TAF1B: variants seen among roughly 807,000 people sequenced by gnomAD.
TAF1B encodes TATA box-binding protein-associated factor RNA polymerase I subunit B.
A neutral mutation model predicts 83.9 loss-of-function variants in TAF1B; 61 were observed. The ratio of observed to expected loss-of-function variants is 0.73; its 90% CI spans 0.59 to 0.90. The LOEUF is 0.90. Ranked by LOEUF, TAF1B falls within the 40% of genes least tolerant of loss-of-function variation. TAF1B has a pLI of 0.00. For missense variants in TAF1B, 625 were observed against 677.0 expected (o/e 0.92, Z 0.85); for synonymous variants, 221 against 224.6 (o/e 0.98, Z 0.14).
At chr2:9,855,126 C>T (rs962341025) in intron 5 of TAF1B, among the ~76,000 whole-genome samples, 2 of 152,170 alleles carry the variant, frequency 1.3e-5, no homozygotes, top group African/African-American at 2.4e-5. Context: ...TCCTGAGTAG[C>T]TGGGATTACA....
chr2:9,930,846 G>A (rs892471290), intron 14 of TAF1B, among the ~76,000 whole-genome samples: 1 of 152,178 alleles, frequency 6.6e-6, no homozygotes, highest in Middle Eastern at 3.2e-3. Context: ...ATGAATCTGA[G>A]TGCTCCTGTA....
At chr2:9,868,753 G>A (rs1445119566) in intron 6 of TAF1B, 4 of 498,452 alleles carry the variant, frequency 8.0e-6, no homozygotes, top group Non-Finnish European at 1.6e-5. Flanking sequence ...AAAAGTTGTA[G>A]CAGAAAAATG....
At chr2:9,895,811 C>CT (rs1665000130) in intron 8 of TAF1B, among the ~76,000 whole-genome samples, 1 of 106,304 alleles carries the variant, frequency 9.4e-6, no homozygotes, top group Non-Finnish European at 2.2e-5. Flanking sequence ...AGGCACTGCA[C>CT]TCTTTTTTTT....
At position 9,864,949 on chromosome 2, in the gene TAF1B, A is replaced by G. The variant is rs1448807526; in HGVS notation, c.400-3327A>G. ...TTGATGGGACACATCTCAAAATAAT[A>G]AGAGCTATCTATGACAAGCCCACAG... On this transcript the variant is annotated intron_variant, in intron 5 of 14. Transcript: ENST00000263663. Among the ~76,000 whole-genome samples, 4 of 152,240 alleles carry G rather than the reference A, an allele frequency of 2.6e-5. No individual in the cohort carries two copies. In the East Asian group the frequency reaches 7.7e-4, roughly 29 times the overall value.
At chr2:9,924,314 C>G (rs1299399293) in intron 14 of TAF1B, among the ~76,000 whole-genome samples, 1 of 151,922 alleles carries the variant, frequency 6.6e-6, no homozygotes, top group Non-Finnish European at 1.5e-5. Context: ...CTGACTCTGC[C>G]CTTAGGCTGA....
At chr2:9,930,142 G>T (rs1666168125) in intron 14 of TAF1B, among the ~76,000 whole-genome samples, 1 of 103,682 alleles carries the variant, frequency 9.6e-6, no homozygotes, top group South Asian at 3.0e-4. Flanking sequence ...CGGATTCATT[G>T]ATTTTTTTAA....
At chr2:9,929,271 A>G (rs9751830) in intron 14 of TAF1B, among the ~76,000 whole-genome samples, 82,217 of 151,738 alleles carry the variant, frequency 0.54, 22,497 homozygotes, top group African/African-American at 0.6. Context: ...CCATTCTCCT[A>G]CCTCAGCCTC....
chr2:9,885,374 G>A (rs1490335762), intron 8 of TAF1B, among the ~76,000 whole-genome samples: 2 of 152,204 alleles, frequency 1.3e-5, no homozygotes, highest in Non-Finnish European at 2.9e-5. Flanking sequence ...GGTGACACTG[G>A]TACAGAAAGA....
intron 6 of TAF1B, 90 bp downstream of exon 6, chr2:9,868,519 G>A (rs1664067626): frequency 6.6e-7 from 1 of 1,510,328 alleles, no homozygotes; most frequent in East Asian, 2.4e-5. Flanking sequence ...TCCAAGGAAA[G>A]GGAACTTGGT....
intron 5 of TAF1B, among the ~76,000 whole-genome samples, chr2:9,855,825 G>C (rs1272953802): frequency 6.6e-6 from 1 of 152,170 alleles, no homozygotes; most frequent in Non-Finnish European, 1.5e-5. Flanking sequence ...TTATAATAAA[G>C]GGTTGAATAT....
At chr2:9,897,013 T>G (rs1263000387) in intron 8 of TAF1B, among the ~76,000 whole-genome samples, 2 of 152,230 alleles carry the variant, frequency 1.3e-5, no homozygotes, top group Non-Finnish European at 2.9e-5. Flanking sequence ...CCTCTTCTCC[T>G]TTTTCTGCCT....
chr2:9,868,160 C>G, intron 5 of TAF1B, 116 bp from the exon 6 acceptor site: 2 of 1,036,890 alleles, frequency 1.9e-6, no homozygotes. Context: ...CAGGCAGTTG[C>G]AGTTTTCTAG....
At chr2:9,927,719 T>G (rs1435851094) in intron 14 of TAF1B, among the ~76,000 whole-genome samples, 3 of 152,062 alleles carry the variant, frequency 2.0e-5, no homozygotes, top group Non-Finnish European at 4.4e-5. Flanking sequence ...GATGGGGTTG[T>G]TTTTTTCTTG....
intron 8 of TAF1B, among the ~76,000 whole-genome samples, chr2:9,894,565 A>G (rs550030039): frequency 1.3e-5 from 2 of 152,276 alleles, no homozygotes; most frequent in African/African-American, 4.8e-5. Context: ...AGGCTAGAAA[A>G]TGTATCTGAG....
In TAF1B at chr2:9,910,886, T is replaced by C; in HGVS notation, c.1106T>C (p.Leu369Pro). Residue 369 changes from leucine to proline, a missense_variant, in exon 10 of 15, where the codon CTC (leucine) becomes CCC (proline). Leu to Pro is a moderately conservative substitution (Grantham distance 98). Coordinates refer to ENST00000263663, the MANE Select transcript of TAF1B (RefSeq NM_005680.3). ...ATCATTGTGGTGGTATTGAAACTGCTCTTTCTATTGGATGACAGTTTCGAG... is the reference window on the plus strand; with the variant it reads ...ATCATTGTGGTGGTATTGAAACTGCCCTTTCTATTGGATGACAGTTTCGAG... ...VAIIVVVLKL[L>P]FLLDDSFEWS... 1 of 1,611,592 alleles carries C rather than the reference T, an allele frequency of 6.2e-7. No homozygotes were observed. Among genetic ancestry groups the C allele is most frequent in the Non-Finnish European group, 8.5e-7 (1 of 1,178,812 alleles).
chr2:9,896,620 C>CAAAAA (rs71391108), intron 8 of TAF1B, among the ~76,000 whole-genome samples: 3 of 66,524 alleles, frequency 4.5e-5, no homozygotes, highest in Non-Finnish European at 6.0e-5. Context: ...ATCTAAAAAC[C>CAAAAA]AAAAAAAAAA....
At chr2:9,860,719 T>C (rs957804462) in intron 5 of TAF1B, among the ~76,000 whole-genome samples, 7 of 152,154 alleles carry the variant, frequency 4.6e-5, no homozygotes, top group African/African-American at 7.2e-5. Context: ...ACAAAGTGTT[T>C]CAAGAAGAGG....
At chr2:9,862,230 C>G (rs1365377937) in intron 5 of TAF1B, among the ~76,000 whole-genome samples, 1 of 152,000 alleles carries the variant, frequency 6.6e-6, no homozygotes, top group Admixed American at 6.6e-5. Context: ...CTAGAATAAC[C>G]AATGCAGAGA....
In TAF1B at chr2:9,888,796, T is replaced by G. The variant is rs1295145193; in HGVS notation, c.807+5991T>G. 6.8e-3 allele frequency among the ~76,000 whole-genome samples: 630 copies of G among 92,132 alleles called. 17 individuals carry two copies. The highest frequency in any genetic ancestry group is 0.017 in the African/African-American group (565 of 32,348). 60.4% of individuals were successfully genotyped at this position (92,132 alleles called of 152,430 possible). A position where few individuals can be genotyped will look rare whatever the true frequency, so the allele number is the denominator to read the frequency against. ...TTTATGTTTCTTCTGCTTGGTTTTT[T>G]TTTTTTTTTTTTTTTTTTTTTTTTA... On this transcript the variant is annotated intron_variant, in intron 8 of 14. Transcript: ENST00000263663.
Sources: gnomAD v4.1 joint callset for allele counts (sites outside exome capture counted in the v4.1 genomes callset) on GRCh38, gnomAD v4.1.1 for gene constraint, MANE v1.5 for transcripts, NCBI Gene and HGNC (gene_info 2026-07-23, HGNC 2026-07-21) for gene names.